SGSM1: variants seen among roughly 807,000 people sequenced by gnomAD.
SGSM1 encodes small G protein signaling modulator 1.
In SGSM1, 73 loss-of-function variants were observed where a neutral mutation model predicts 133.8. The ratio of observed to expected loss-of-function variants is 0.55; its 90% CI spans 0.45 to 0.66. SGSM1 has a LOEUF of 0.66. Among genes scored for constraint, SGSM1 ranks in the 30% least tolerant of loss-of-function variants. The pLI is 0.00. For missense variants in SGSM1, 1,213 were observed against 1,448.1 expected (o/e 0.84, Z 2.64); for synonymous variants, 563 against 573.0 (o/e 0.98, Z 0.25).
At position 24,927,003 on chromosome 22, in the gene SGSM1, C is replaced by T. The variant is rs1393273848; in HGVS notation, c.*2729C>T. 6.6e-6 allele frequency: 1 copy of T among 152,098 alleles called. No homozygotes were observed. Among genetic ancestry groups the T allele is most frequent in the Non-Finnish European group, 1.5e-5 (1 of 68,028 alleles). 9.4% of individuals were successfully genotyped at this position (152,098 alleles called of 1,614,324 possible). On this transcript the variant is annotated 3_prime_UTR_variant, in exon 25 of 25. Transcript: ENST00000400358. ...CCCAGAAAAGGTGAATCACTTCTGACTTCTTGTATTAGCTGGCTCTTACCA... is the reference window on the plus strand; with the variant it reads ...CCCAGAAAAGGTGAATCACTTCTGATTTCTTGTATTAGCTGGCTCTTACCA...
At chr22:24,910,811 G>A (rs6004356) in intron 21 of SGSM1, among the ~76,000 whole-genome samples, 20,867 of 151,972 alleles carry the variant, frequency 0.14, 3,114 homozygotes, top group African/African-American at 0.36. Context: ...CAGGCATTGT[G>A]GTGGGGACTT....
At chr22:24,895,679 C>T (rs1049865634) in intron 18 of SGSM1, among the ~76,000 whole-genome samples, 1 of 152,032 alleles carries the variant, frequency 6.6e-6, no homozygotes, top group African/African-American at 2.4e-5. Flanking sequence ...ACATAAATGC[C>T]ATCATATATG....
chr22:24,919,735 G>C lies in SGSM1; in HGVS notation c.3026-91G>C, dbSNP rs941729424. Reference sequence around the variant, plus strand: ...CAGGCATAAGGCAAAACTTGCCCGGGATTTTCCCACCTTGGGGGGCTTCCC... The same window carrying C: ...CAGGCATAAGGCAAAACTTGCCCGGCATTTTCCCACCTTGGGGGGCTTCCC... On this transcript the variant is annotated intron_variant, in intron 23 of 24. Coordinates refer to ENST00000400358, the MANE Select transcript of SGSM1 (RefSeq NM_001098497.3). 20 of 1,512,824 alleles carry C rather than the reference G, an allele frequency of 1.3e-5. No individual in the cohort carries two copies. In the Admixed American group the frequency reaches 2.8e-4, roughly 21 times the overall value. The allele number at this position is 1,512,824 out of a possible 1,614,324, so 93.7% of individuals were successfully genotyped here.
chr22:24,837,578 AC>A (rs71189302), intron 2 of SGSM1, among the ~76,000 whole-genome samples: 2,762 of 51,710 alleles, frequency 0.053, 67 homozygotes, highest in African/African-American at 0.12. Flanking sequence ...GGAAAGGGAG[AC>A]CCCCCCCCCC....
intron 2 of SGSM1, among the ~76,000 whole-genome samples, chr22:24,837,696 G>A (rs1168187435): frequency 3.3e-5 from 5 of 151,090 alleles, no homozygotes; most frequent in African/African-American, 4.9e-5. Context: ...TGGCATCACT[G>A]CTAGACCAAG....
At chr22:24,891,898 A>G (rs895853028) in intron 16 of SGSM1, among the ~76,000 whole-genome samples, 15 of 152,100 alleles carry the variant, frequency 9.9e-5, no homozygotes, top group African/African-American at 3.6e-4. Context: ...AGGGGAGACC[A>G]GCGTGGTGTG....
chr22:24,835,130 C>T (rs1569139443), intron 2 of SGSM1, among the ~76,000 whole-genome samples: 1 of 152,156 alleles, frequency 6.6e-6, no homozygotes, highest in Non-Finnish European at 1.5e-5. Flanking sequence ...GTTAATTTTG[C>T]TGTTTCTTCT....
chr22:24,912,686 G>C lies in SGSM1; in HGVS notation c.2862G>C (p.Met954Ile). Reference protein sequence around the residue: ...FSCFTELMKRMNQNFPHGGAM... With the variant: ...FSCFTELMKRINQNFPHGGAM... The stretch of plus-strand genomic sequence containing the variant: ...GCTTCACGGAGCTCATGAAGAGGAT[G>C]AACCAGAACTTCCCCCACGGAGGCG... Residue 954 changes from methionine (M) to isoleucine (I), a missense_variant, in exon 22 of 25, where the codon ATG becomes ATC. Physicochemically the swap from Met to Ile is conservative, Grantham distance 10. Coordinates refer to ENST00000400358, the MANE Select transcript of SGSM1 (RefSeq NM_001098497.3). 1 of 1,613,794 alleles carries C rather than the reference G, an allele frequency of 6.2e-7. No individual in the cohort carries two copies. The highest frequency in any genetic ancestry group is 8.5e-7 in the Non-Finnish European group (1 of 1,179,898).
At chr22:24,837,036 C>T (rs1929468923) in intron 2 of SGSM1, among the ~76,000 whole-genome samples, 1 of 152,192 alleles carries the variant, frequency 6.6e-6, no homozygotes, top group Non-Finnish European at 1.5e-5. Context: ...CGGTGGGTCT[C>T]TCCCTGTGTG....
intron 16 of SGSM1, 58 bp downstream of exon 16, chr22:24,886,786 G>A (rs1932633097): frequency 6.6e-7 from 1 of 1,526,692 alleles, no homozygotes; most frequent in Non-Finnish European, 8.8e-7. Context: ...CAGATACTGT[G>A]GGGCTGGGGA....
chr22:24,852,309 A>G (rs540414108), intron 5 of SGSM1, among the ~76,000 whole-genome samples: 1 of 152,294 alleles, frequency 6.6e-6, no homozygotes, highest in South Asian at 2.1e-4. Flanking sequence ...CTTTTAACGC[A>G]TGTGTAGTTT....
intron 14 of SGSM1, among the ~76,000 whole-genome samples, chr22:24,882,296 C>T (rs919186828): frequency 1.3e-5 from 2 of 152,120 alleles, no homozygotes; most frequent in Non-Finnish European, 2.9e-5. Flanking sequence ...TCTTGAACTC[C>T]TGGGCTCAAC....
intron 2 of SGSM1, among the ~76,000 whole-genome samples, chr22:24,832,177 C>G (rs979958393): frequency 1.1e-4 from 17 of 152,174 alleles, no homozygotes; most frequent in African/African-American, 4.1e-4. Flanking sequence ...AGAGGCTTCC[C>G]TTAGAATCAG....
intron 16 of SGSM1, among the ~76,000 whole-genome samples, chr22:24,889,712 C>T (rs1168624401): frequency 2.0e-5 from 3 of 148,110 alleles, no homozygotes; most frequent in Admixed American, 1.4e-4. Flanking sequence ...TGCAGTGGCG[C>T]GATCTCGGCT....
intron 2 of SGSM1, among the ~76,000 whole-genome samples, chr22:24,832,036 C>G (rs1353171817): frequency 1.3e-5 from 2 of 152,208 alleles, no homozygotes; most frequent in Non-Finnish European, 2.9e-5. Flanking sequence ...CCCCGGAATC[C>G]TGGCTCCCTG....
intron 8 of SGSM1, 90 bp downstream of exon 8, chr22:24,855,770 C>G (rs767148168): frequency 3.0e-5 from 47 of 1,592,914 alleles, no homozygotes; most frequent in Non-Finnish European, 4.0e-5. Flanking sequence ...GATTGCCAAT[C>G]CATTCATCCA....
At chr22:24,850,217 C>G in intron 4 of SGSM1, 63 bp from the exon 5 acceptor site, 1 of 1,462,182 alleles carries the variant, frequency 6.8e-7, no homozygotes. Flanking sequence ...TCCCATTTGC[C>G]AATTAGTCCT....
Position 24,893,451 on chromosome 22 carries a change from C to T in SGSM1, c.1791C>T (p.Ala597=), listed in dbSNP as rs1006725034. Residue 597 remains alanine (A), a synonymous_variant, in exon 17 of 25, where the codon GCC becomes GCT. Coordinates refer to ENST00000400358, the MANE Select transcript of SGSM1 (RefSeq NM_001098497.3). ...ERKEVDEQIH[A]CYAQTMAEWL... is the part of the protein sequence containing the mutation. Reference sequence around the variant, plus strand: ...GGCAGGTGGACGAGCAGATTCATGCCTGCTATGCACAGACCATGGCTGAGT... The same window carrying T: ...GGCAGGTGGACGAGCAGATTCATGCTTGCTATGCACAGACCATGGCTGAGT... 6.2e-7 allele frequency: 1 copy of T among 1,613,552 alleles called. No individual in the cohort carries two copies. The highest frequency in any genetic ancestry group is 8.5e-7 in the Non-Finnish European group (1 of 1,179,748).
chr22:24,868,948 G>GA (rs1931618997), intron 12 of SGSM1, 93 bp downstream of exon 12: 1 of 1,518,862 alleles, frequency 6.6e-7, no homozygotes, highest in Non-Finnish European at 8.8e-7. Flanking sequence ...GACAGGTCTG[G>GA]ATTCTGGGGC....
Sources: gnomAD v4.1 joint callset for allele counts (sites outside exome capture counted in the v4.1 genomes callset) on GRCh38, gnomAD v4.1.1 for gene constraint, MANE v1.5 for transcripts, NCBI Gene and HGNC (gene_info 2026-07-23, HGNC 2026-07-21) for gene names.